The following SEMA6D variants were observed in gnomAD, a reference collection of about 807,000 sequenced individuals.
The protein encoded by SEMA6D is semaphorin 6D.
SEMA6D carries 35 observed loss-of-function variants against 106.6 expected under a neutral mutation model. The observed-to-expected ratio is 0.33, with a 90% confidence interval of 0.25 to 0.44. The LOEUF (loss-of-function observed/expected upper bound fraction) is 0.44, where lower values mean the gene tolerates loss of function less well. Ranked by LOEUF, SEMA6D falls within the 20% of genes least tolerant of loss-of-function variation. SEMA6D has a pLI of 1.00. For missense variants in SEMA6D, 1,185 were observed against 1,345.9 expected, an observed-to-expected ratio of 0.88 and a Z score of 1.87; for synonymous variants, 499 against 487.7, an observed-to-expected ratio of 1.02 and a Z score of -0.31.
chr15:47,513,641 G>A, intron 3 of SEMA6D, among the ~76,000 whole-genome samples: 1 of 152,348 alleles, frequency 6.6e-6, no homozygotes, highest in South Asian at 2.1e-4. Context: ...CAGATGGAAT[G>A]AGCAGGTTTG....
intron 1 of SEMA6D, among the ~76,000 whole-genome samples, chr15:47,250,206 C>T (rs2141912416): frequency 6.6e-6 from 1 of 152,066 alleles, no homozygotes; most frequent in East Asian, 1.9e-4. Context: ...AAAGGAACAT[C>T]CACTATGATA....
intron 4 of SEMA6D, among the ~76,000 whole-genome samples, chr15:47,691,879 T>C (rs1004460233): frequency 2.0e-5 from 3 of 150,958 alleles, no homozygotes; most frequent in Non-Finnish European, 2.9e-5. Flanking sequence ...ACATAAAATG[T>C]GAAATGCTTT....
chr15:47,408,193 CT>C (rs2040659832), intron 1 of SEMA6D, among the ~76,000 whole-genome samples: 1 of 152,172 alleles, frequency 6.6e-6, no homozygotes. Flanking sequence ...TCAGACAGGC[CT>C]GGGATTGAGC....
chr15:47,577,260 C>T (rs919212283), intron 3 of SEMA6D, among the ~76,000 whole-genome samples: 9 of 152,210 alleles, frequency 5.9e-5, no homozygotes, highest in Non-Finnish European at 1.2e-4. Flanking sequence ...GAAAGTTATG[C>T]AAGCATATGG....
chr15:47,493,435 A>G (rs529436979), intron 3 of SEMA6D, among the ~76,000 whole-genome samples: 29 of 152,170 alleles, frequency 1.9e-4, no homozygotes, highest in Admixed American at 3.9e-4. Flanking sequence ...CTCTATCACA[A>G]TATCTTAGCT....
chr15:47,497,305 A>G (rs187753095), intron 3 of SEMA6D, among the ~76,000 whole-genome samples: 338 of 152,176 alleles, frequency 2.2e-3, no homozygotes, highest in African/African-American at 7.9e-3. Flanking sequence ...ACCAAACAAA[A>G]AGGAAAAACA....
intron 1 of SEMA6D, among the ~76,000 whole-genome samples, chr15:47,269,194 A>G (rs1380567824): frequency 6.6e-6 from 1 of 152,106 alleles, no homozygotes; most frequent in Non-Finnish European, 1.5e-5. Flanking sequence ...TTTATAAATA[A>G]TGTATGCCTG....
intron 1 of SEMA6D, among the ~76,000 whole-genome samples, chr15:47,400,258 G>GT (rs2040354793): frequency 2.6e-5 from 4 of 152,186 alleles, no homozygotes; most frequent in Admixed American, 1.3e-4. Context: ...GGGAGGCCAG[G>GT]GTAGGTGGAT....
At chr15:47,666,207 A>G (rs981225643) in intron 4 of SEMA6D, among the ~76,000 whole-genome samples, 2 of 152,228 alleles carry the variant, frequency 1.3e-5, no homozygotes, top group African/African-American at 4.8e-5. Context: ...CTGCTCAGCT[A>G]GTGTTTACAT....
chr15:47,324,605 C>G lies in SEMA6D; in HGVS notation c.-238-87788C>G, dbSNP rs1051797039. Reference sequence around the variant, plus strand: ...TCTTACGCAAATACAGGGAAGCCAACTGGTATATGAGAAAAAGATATACAC... The same window carrying G: ...TCTTACGCAAATACAGGGAAGCCAAGTGGTATATGAGAAAAAGATATACAC... On this transcript the variant is annotated intron_variant, in intron 1 of 19. Coordinates refer to the SEMA6D transcript ENST00000558014. Among the ~76,000 whole-genome samples the G allele has an allele frequency of 1.3e-5, 2 of 151,268 alleles. 1 individual carries two copies. Among genetic ancestry groups the G allele is most frequent in the South Asian group, 4.2e-4 (2 of 4,814 alleles).
rs573706310 is a variant in SEMA6D, at chr15:47,349,206, A to G, written c.-238-63187A>G. On this transcript the variant is annotated intron_variant, in intron 1 of 19. Transcript: ENST00000558014. ...TCCCATGCAGAAGGGAATCATGTTCATTAGGAGCAATACAGCCAGGAATAT... is the reference window on the plus strand; with the variant it reads ...TCCCATGCAGAAGGGAATCATGTTCGTTAGGAGCAATACAGCCAGGAATAT... 2.6e-5 allele frequency among the ~76,000 whole-genome samples: 4 copies of G among 152,146 alleles called. No homozygotes were observed. In the East Asian group the frequency reaches 7.7e-4, roughly 29 times the overall value.
chr15:47,532,366 G>A (rs1179183223), intron 3 of SEMA6D, among the ~76,000 whole-genome samples: 2 of 152,130 alleles, frequency 1.3e-5, no homozygotes, highest in African/African-American at 4.8e-5. Context: ...TGACTTTCCT[G>A]GAACCTCTAA....
intron 4 of SEMA6D, among the ~76,000 whole-genome samples, chr15:47,654,644 T>C (rs2077757248): frequency 6.6e-6 from 1 of 152,206 alleles, no homozygotes; most frequent in South Asian, 2.1e-4. Context: ...GGCCATCTCA[T>C]TGGTGATAAG....
At chr15:47,558,344 C>A (rs530032296) in intron 3 of SEMA6D, among the ~76,000 whole-genome samples, 1 of 151,948 alleles carries the variant, frequency 6.6e-6, no homozygotes, top group Admixed American at 6.6e-5. Flanking sequence ...AGAGATAAAT[C>A]CTTGTCTGAA....
At chr15:47,728,204 T>G (rs2079886827) in intron 1 of SEMA6D, among the ~76,000 whole-genome samples, 1 of 152,180 alleles carries the variant, frequency 6.6e-6, no homozygotes, top group African/African-American at 2.4e-5. Context: ...ACTCCCCACT[T>G]GGAGACTCAG....
At chr15:47,229,454 T>C (rs748541135) in intron 1 of SEMA6D, among the ~76,000 whole-genome samples, 1 of 151,970 alleles carries the variant, frequency 6.6e-6, no homozygotes, top group Non-Finnish European at 1.5e-5. Context: ...CAAAGGTCAG[T>C]AATTGTGCCC....
chr15:47,449,542 T>C (rs1187900620), intron 2 of SEMA6D, among the ~76,000 whole-genome samples: 1 of 152,104 alleles, frequency 6.6e-6, no homozygotes, highest in African/African-American at 2.4e-5. Flanking sequence ...TTCATATCAA[T>C]TGTGTTTCTC....
chr15:47,561,574 G>A (rs1429564225), intron 3 of SEMA6D, among the ~76,000 whole-genome samples: 2 of 150,984 alleles, frequency 1.3e-5, no homozygotes, highest in Non-Finnish European at 3.0e-5. Flanking sequence ...TTTAAATATA[G>A]GTAAATATAT....
intron 3 of SEMA6D, among the ~76,000 whole-genome samples, chr15:47,596,857 C>T (rs767345220): frequency 7.2e-5 from 11 of 151,896 alleles, no homozygotes; most frequent in East Asian, 1.9e-4. Context: ...AAAAAAACTA[C>T]GCAACATTGG....
Sources: allele counts gnomAD v4.1 joint callset (sites outside exome capture counted in the v4.1 genomes callset), GRCh38; gene constraint gnomAD v4.1.1; transcripts MANE v1.5; gene names NCBI Gene and HGNC (gene_info 2026-07-23, HGNC 2026-07-21).